Variants in KAT6B observed in about 807,000 individuals in gnomAD.
KAT6B encodes the protein lysine acetyltransferase 6B.
KAT6B carries 10 observed loss-of-function variants against 187.5 expected under a neutral mutation model. That is an observed-to-expected ratio of 0.05 (90% CI 0.03 to 0.09). KAT6B has a LOEUF of 0.09. Ranked by LOEUF, KAT6B falls within the 10% of genes least tolerant of loss-of-function variation. KAT6B has a pLI of 1.00. For missense variants in KAT6B, 1,952 were observed against 2,558.9 expected (o/e 0.76, Z 5.12); for synonymous variants, 861 against 926.8 (o/e 0.93, Z 1.29).
rs189219112 is a variant in KAT6B, at chr10:74,865,661, G to A, written c.621+22183G>A. Among the ~76,000 whole-genome samples the A allele has an allele frequency of 6.6e-5, 10 of 151,992 alleles. 1 individual carries two copies. The South Asian group carries it at 1.0e-3, about 16-fold the overall frequency. ...CTCCCAAGTAGCTGAGATTACAGGCGTGCACCACCACGCCTGGCTAATTTT... is the reference window on the plus strand; with the variant it reads ...CTCCCAAGTAGCTGAGATTACAGGCATGCACCACCACGCCTGGCTAATTTT... On this transcript the variant is annotated intron_variant, in intron 3 of 17. Transcript: ENST00000287239.
chr10:74,832,447 A>G, intron 1 of KAT6B, among the ~76,000 whole-genome samples: 1 of 152,198 alleles, frequency 6.6e-6, no homozygotes, highest in East Asian at 1.9e-4. Context: ...CAACATAGGG[A>G]GACCCCCGCC....
chr10:74,840,533 G>A (rs187549616), intron 2 of KAT6B, among the ~76,000 whole-genome samples: 6 of 152,326 alleles, frequency 3.9e-5, no homozygotes, highest in Admixed American at 6.5e-5. Flanking sequence ...AAGAAATTTA[G>A]CTAGAGCTGT....
intron 17 of KAT6B, 21 bp from the exon 18 acceptor site, chr10:75,028,468 C>T (rs190497112): frequency 5.5e-5 from 88 of 1,613,212 alleles, no homozygotes; most frequent in Middle Eastern, 3.3e-4. Flanking sequence ...TTTTCCTTCC[C>T]GTTTTTGTCT....
intron 3 of KAT6B, among the ~76,000 whole-genome samples, chr10:74,906,607 C>T (rs1338562874): frequency 6.6e-6 from 1 of 152,094 alleles, no homozygotes; most frequent in East Asian, 1.9e-4. Context: ...AGAAAATAAT[C>T]ATTTCCACCC....
chr10:74,915,502 A>G (rs1054918937), intron 3 of KAT6B, among the ~76,000 whole-genome samples: 2 of 152,190 alleles, frequency 1.3e-5, no homozygotes, highest in Non-Finnish European at 2.9e-5. Context: ...CTAGGTTCTG[A>G]GCTTCCTTTG....
At chr10:75,000,001 C>A (rs1471087065) in intron 13 of KAT6B, among the ~76,000 whole-genome samples, 1 of 151,990 alleles carries the variant, frequency 6.6e-6, no homozygotes, top group Non-Finnish European at 1.5e-5. Context: ...ATGGTGAAAC[C>A]CCATTTCTAC....
rs1247468307 is a variant in KAT6B at position 75,021,900 on chromosome 10, A to G, written c.3041A>G (p.Gln1014Arg). The G allele has an allele frequency of 6.2e-7, 1 of 1,614,202 alleles. No individual in the cohort carries two copies. Among genetic ancestry groups the G allele is most frequent in the Non-Finnish European group, 8.5e-7 (1 of 1,180,036 alleles). ...AEKEAERLME[Q>R]ASCWEKEEQE... ...ACTTAGGCTGAGCGGCTAATGGAAC[A>G]AGCTAGCTGCTGGGAGAAGGAGGAA... Residue 1014 changes from glutamine to arginine, a missense_variant, in exon 16 of 18, where the codon CAA becomes CGA. Gln to Arg is a conservative substitution (Grantham distance 43). Coordinates refer to ENST00000287239, the MANE Select transcript of KAT6B (RefSeq NM_012330.4).
intron 3 of KAT6B, among the ~76,000 whole-genome samples, chr10:74,931,967 C>T (rs556471161): frequency 1.1e-3 from 164 of 152,162 alleles, no homozygotes; most frequent in African/African-American, 3.7e-3. Flanking sequence ...CTGTGTTGGC[C>T]TCCCAAAGTG....
intron 3 of KAT6B, among the ~76,000 whole-genome samples, chr10:74,905,638 G>A (rs1469783376): frequency 6.6e-6 from 1 of 152,174 alleles, no homozygotes; most frequent in African/African-American, 2.4e-5. Context: ...GGTTAAAAGA[G>A]AGTCTCTGTA....
chr10:74,967,048 T>C (rs1041785015), intron 4 of KAT6B, among the ~76,000 whole-genome samples: 8 of 148,250 alleles, frequency 5.4e-5, no homozygotes, highest in African/African-American at 2.0e-4. Flanking sequence ...AAAAATAGGC[T>C]GGGCGCTGTG....
chr10:74,933,077 C>A (rs1045673104), intron 3 of KAT6B, among the ~76,000 whole-genome samples: 15 of 152,184 alleles, frequency 9.9e-5, no homozygotes, highest in African/African-American at 3.6e-4. Context: ...GCCTAATCAT[C>A]CACCATTGAA....
In KAT6B at chr10:74,972,599, C is replaced by T; in HGVS notation, c.1021C>T (p.Pro341Ser). The T allele has an allele frequency of 6.2e-7, 1 of 1,613,236 alleles. No homozygotes were observed. Among genetic ancestry groups the T allele is most frequent in the East Asian group, 2.2e-5 (1 of 44,856 alleles). Residue 341 changes from proline (P) to serine (S), a missense_variant, in exon 7 of 18, where the codon CCC becomes TCC. Physicochemically the swap from Pro to Ser is moderately conservative, Grantham distance 74 (BLOSUM62 -1). Transcript: ENST00000287239. ...AAQIKRRYAK[P>S]IGRPKNKLKQ... ...ACAAATAAAACGACGATATGCAAAA[C>T]CCATTGGACGACCGAAAAATAAATT... is the stretch of plus-strand genomic sequence containing the variant.
chr10:74,897,865 G>A (rs1846097368), intron 3 of KAT6B, among the ~76,000 whole-genome samples: 1 of 152,072 alleles, frequency 6.6e-6, no homozygotes, highest in Admixed American at 6.5e-5. Context: ...TTGAAATTTT[G>A]GGGGCTGTTT....
At chr10:74,852,041 A>G (rs1336179262) in intron 3 of KAT6B, among the ~76,000 whole-genome samples, 1 of 152,168 alleles carries the variant, frequency 6.6e-6, no homozygotes, top group Non-Finnish European at 1.5e-5. Flanking sequence ...TTGATGTGGC[A>G]GGCTTCCAGA....
rs780878137 is a variant in KAT6B at position 75,022,010 on chromosome 10, A to G, written c.3151A>G (p.Ser1051Gly). The G allele has an allele frequency of 6.2e-7, 1 of 1,614,106 alleles. No homozygotes were observed. Among genetic ancestry groups the G allele is most frequent in the Non-Finnish European group, 8.5e-7 (1 of 1,180,018 alleles). The part of the protein sequence containing the change: ...SKNKYLHSPE[S>G]RPVTGERGQL... ...AAATAAATATTTGCATTCCCCGGAG[A>G]GCCGGCCAGTCACAGGGGAGCGAGG... The change falls in exon 16 of 18, where the codon AGC becomes GGC. Residue 1051 changes from serine (S) to glycine (G), a missense_variant. Physicochemically the swap from Ser to Gly is moderately conservative, Grantham distance 56. Coordinates refer to ENST00000287239, the MANE Select transcript of KAT6B (RefSeq NM_012330.4).
chr10:74,976,484 G>T, intron 8 of KAT6B, 154 bp downstream of exon 8: 1 of 723,502 alleles, frequency 1.4e-6, no homozygotes. Flanking sequence ...GTGAAACTTT[G>T]ACCTTTTTCT....
chr10:74,929,953 G>A (rs1848754703), intron 3 of KAT6B, among the ~76,000 whole-genome samples: 2 of 144,102 alleles, frequency 1.4e-5, no homozygotes, highest in Non-Finnish European at 3.0e-5. Context: ...TTAGTCTCAA[G>A]CTGTTGCCCA....
chr10:74,977,309 A>G lies in KAT6B; in HGVS notation c.1994-7A>G. 1 of 1,612,594 alleles carries G rather than the reference A, an allele frequency of 6.2e-7. No homozygotes were observed. Among genetic ancestry groups the G allele is most frequent in the Non-Finnish European group, 8.5e-7 (1 of 1,179,132 alleles). ...TGAATACACTTTCTGCTGGTTTTAAATGACAGATACTGAAATAAAAATAAA... is the reference window on the plus strand; with the variant it reads ...TGAATACACTTTCTGCTGGTTTTAAGTGACAGATACTGAAATAAAAATAAA... On this transcript the variant is annotated splice_region_variant and splice_polypyrimidine_tract_variant and intron_variant, in intron 8 of 17. Transcript: ENST00000287239.
At chr10:74,918,990 G>C (rs547420485) in intron 3 of KAT6B, among the ~76,000 whole-genome samples, 1 of 152,102 alleles carries the variant, frequency 6.6e-6, no homozygotes, top group Non-Finnish European at 1.5e-5. Context: ...GGCTGAGGCA[G>C]GTGGATCACC....
Sources: gnomAD v4.1 joint callset for allele counts (sites outside exome capture counted in the v4.1 genomes callset) on GRCh38, gnomAD v4.1.1 for gene constraint, MANE v1.5 for transcripts, NCBI Gene and HGNC (gene_info 2026-07-23, HGNC 2026-07-21) for gene names.